The following ADGB variants were observed in gnomAD, a reference collection of about 807,000 sequenced individuals.
ADGB encodes the protein calpain-7-like protein.
Under a neutral mutation model 210.5 loss-of-function variants are expected in ADGB, and 172 were observed. The ratio of observed to expected loss-of-function variants is 0.82; its 90% confidence interval spans 0.72 to 0.93. The LOEUF is 0.93. ADGB is among the 40% of genes least tolerant of loss of function. The pLI is 0.00. For synonymous variants in ADGB, 658 were observed against 662.7 expected (o/e 0.99, Z 0.11); for missense variants, 2,025 against 1,964.8 (o/e 1.03, Z -0.58).
chr6:146,718,481 T>A (rs934501586), intron 16 of ADGB, among the ~76,000 whole-genome samples: 2 of 151,612 alleles, frequency 1.3e-5, no homozygotes, highest in Non-Finnish European at 2.9e-5. Context: ...ACTGTTAGCA[T>A]CTTTAGAAGA....
intron 1 of ADGB, among the ~76,000 whole-genome samples, chr6:146,600,926 GCACACAC>G (rs1780546922): frequency 6.9e-6 from 1 of 144,454 alleles, no homozygotes; most frequent in Admixed American, 6.8e-5. Flanking sequence ...TCCCCCATGC[GCACACAC>G]ACACACACAC....
At chr6:146,604,540 G>T (rs9497576) in intron 1 of ADGB, among the ~76,000 whole-genome samples, 16,528 of 151,748 alleles carry the variant, frequency 0.11, 1,106 homozygotes, top group East Asian at 0.23. Flanking sequence ...CTTTAGGCCA[G>T]ATGAATAAAA....
chr6:146,744,427 C>G lies in ADGB; in HGVS notation c.3178-1495C>G, dbSNP rs541740195. On this transcript the variant is annotated intron_variant, in intron 25 of 35. Coordinates refer to ENST00000397944, the MANE Select transcript of ADGB (RefSeq NM_024694.4). ...TAAACACCATGTATGCAACTTTTAC[C>G]TGATGTTGTGTCTTCTAATCTTATG... is the stretch of plus-strand genomic sequence containing the variant. Among the ~76,000 whole-genome samples the G allele has an allele frequency of 2.0e-5, 3 of 152,318 alleles. No individual in the cohort carries two copies. In the East Asian group the frequency reaches 5.8e-4, roughly 29 times the overall value.
At chr6:146,806,945 G>A (rs1448035446) in intron 35 of ADGB, among the ~76,000 whole-genome samples, 2 of 152,186 alleles carry the variant, frequency 1.3e-5, no homozygotes, top group East Asian at 3.9e-4. Flanking sequence ...AAGTCAAGCT[G>A]ACAAGAGCAA....
chr6:146,800,867 T>G (rs561633806), intron 33 of ADGB, among the ~76,000 whole-genome samples: 4 of 152,196 alleles, frequency 2.6e-5, no homozygotes, highest in Non-Finnish European at 5.9e-5. Context: ...ATTTTGTAAC[T>G]TAACATAAGA....
At position 146,663,182 on chromosome 6, in the gene ADGB, T is replaced by TATATATA. The variant is rs1775889816; in HGVS notation, c.613-1015_613-1009dup. On this transcript the variant is annotated intron_variant, in intron 5 of 35. Coordinates refer to ENST00000397944, the MANE Select transcript of ADGB (RefSeq NM_024694.4). Reference sequence around the variant, plus strand: ...TATATATTTATTATATATTATATATTATATATAATAATATTAAGGTTTTTT... The same window carrying TATATATA: ...TATATATTTATTATATATTATATATTATATATAATATATAATAATATTAAGGTTTTTT... Among the ~76,000 whole-genome samples the TATATATA allele has an allele frequency of 2.1e-5, 3 of 141,026 alleles. No homozygotes were observed. In the East Asian group the frequency reaches 6.0e-4, roughly 28 times the overall value. The allele number at this position is 141,026 out of a possible 152,430, so 92.5% of individuals were successfully genotyped here. A position where few individuals can be genotyped will look rare whatever the true frequency, so the allele number is the denominator to read the frequency against.
intron 4 of ADGB, among the ~76,000 whole-genome samples, chr6:146,656,279 T>A (rs1203190402): frequency 6.6e-6 from 1 of 152,258 alleles, no homozygotes; most frequent in Admixed American, 6.5e-5. Flanking sequence ...CCATGAAATG[T>A]GGGATTTACA....
chr6:146,681,518 C>A (rs1776157209), intron 9 of ADGB, among the ~76,000 whole-genome samples: 1 of 152,084 alleles, frequency 6.6e-6, no homozygotes. Context: ...AAACAACACA[C>A]CTGGTTGTGT....
chr6:146,666,867 G>A lies in ADGB; in HGVS notation c.804G>A (p.Ala268=), dbSNP rs370322384. The A allele has an allele frequency of 1.1e-4, 163 of 1,546,580 alleles. 1 individual carries two copies. In the African/African-American group the frequency reaches 1.1e-3, roughly 11 times the overall value. ...RELGEFTVIH[A]LTGWLPEVIS... ...TGGGGGAGTTCACGGTTATTCATGC[G>A]CTCACAGGATGGTTACCAGAAGTCA... The change falls in exon 7 of 36, where the codon GCG becomes GCA. Residue 268 remains alanine, a synonymous_variant. Transcript: ENST00000397944.
intron 4 of ADGB, 53 bp from the exon 5 acceptor site, chr6:146,656,718 C>T (rs1006666835): frequency 8.0e-7 from 1 of 1,248,762 alleles, no homozygotes; most frequent in Non-Finnish European, 1.1e-6. Context: ...CCCTAAATTA[C>T]AGTACCTACA....
chr6:146,666,768 G>A (rs1193426007), intron 6 of ADGB, 48 bp from the exon 7 acceptor site: 1 of 1,142,736 alleles, frequency 8.8e-7, no homozygotes, highest in Admixed American at 2.0e-5. Flanking sequence ...ATATCTTTAT[G>A]TGTTTTCAAA....
chr6:146,617,486 C>T (rs1453879578), intron 1 of ADGB, among the ~76,000 whole-genome samples: 3 of 151,878 alleles, frequency 2.0e-5, no homozygotes, highest in East Asian at 1.9e-4. Flanking sequence ...TGAATGAAAG[C>T]GGTAAAAGTG....
intron 35 of ADGB, among the ~76,000 whole-genome samples, chr6:146,811,133 C>T (rs952393028): frequency 4.9e-4 from 74 of 152,100 alleles, no homozygotes; most frequent in Non-Finnish European, 5.6e-4. Context: ...AGCTTCACAA[C>T]CTTATGACCC....
chr6:146,614,911 T>C (rs1262440406), intron 1 of ADGB, among the ~76,000 whole-genome samples: 2 of 151,970 alleles, frequency 1.3e-5, no homozygotes, highest in South Asian at 4.2e-4. Context: ...TCTCAGATTC[T>C]TTTTTTTGAG....
intron 17 of ADGB, 43 bp from the exon 18 acceptor site, chr6:146,724,143 A>G (rs1444407824): frequency 6.6e-7 from 1 of 1,506,904 alleles, no homozygotes; most frequent in Non-Finnish European, 8.9e-7. Context: ...TGCCAACTAC[A>G]CTTTCATGAT....
At chr6:146,682,130 T>A (rs1191356156) in intron 9 of ADGB, among the ~76,000 whole-genome samples, 1 of 152,128 alleles carries the variant, frequency 6.6e-6, no homozygotes, top group Non-Finnish European at 1.5e-5. Flanking sequence ...ATACTTCTTA[T>A]GGATTTATAG....
At chr6:146,681,721 A>G (rs1011115212) in intron 9 of ADGB, among the ~76,000 whole-genome samples, 1 of 152,140 alleles carries the variant, frequency 6.6e-6, no homozygotes, top group Non-Finnish European at 1.5e-5. Flanking sequence ...GAAATTATGG[A>G]CTTGGTATAA....
chr6:146,731,231 A>G (rs1238532093), intron 20 of ADGB, among the ~76,000 whole-genome samples: 1 of 152,208 alleles, frequency 6.6e-6, no homozygotes, highest in Non-Finnish European at 1.5e-5. Context: ...AATATTTGCC[A>G]TAATTCACCT....
At chr6:146,771,288 GT>G (rs1777648698) in intron 29 of ADGB, among the ~76,000 whole-genome samples, 1 of 151,566 alleles carries the variant, frequency 6.6e-6, no homozygotes. Context: ...GCCTAACCCT[GT>G]GTTATGGATT....
Sources: gnomAD v4.1 joint callset for allele counts (sites outside exome capture counted in the v4.1 genomes callset) on GRCh38, gnomAD v4.1.1 for gene constraint, MANE v1.5 for transcripts, NCBI Gene and HGNC (gene_info 2026-07-23, HGNC 2026-07-21) for gene names.